The following LARP4B variants were observed in gnomAD, a reference collection of about 807,000 sequenced individuals.
LARP4B encodes the protein La ribonucleoprotein 4B.
Under a neutral mutation model 89.8 loss-of-function variants are expected in LARP4B, and 12 were observed. The ratio of observed to expected loss-of-function variants is 0.13; its 90% CI spans 0.09 to 0.22. The LOEUF (loss-of-function observed/expected upper bound fraction) is 0.22. Ranked by LOEUF, LARP4B falls within the 10% of genes least tolerant of loss-of-function variation. The pLI is 1.00. For synonymous variants in LARP4B, 367 were observed against 363.3 expected (o/e 1.01, Z -0.12); for missense variants, 757 against 947.7 (o/e 0.80, Z 2.64).
At chr10:888,742 C>T (rs1426380888) in intron 1 of LARP4B, among the ~76,000 whole-genome samples, 2 of 152,260 alleles carry the variant, frequency 1.3e-5, no homozygotes, top group East Asian at 1.9e-4. Context: ...GTGGTATAAC[C>T]ACCACTGGAT....
At chr10:849,185 G>A (rs1348744354) in intron 5 of LARP4B, among the ~76,000 whole-genome samples, 9 of 152,108 alleles carry the variant, frequency 5.9e-5, no homozygotes. Context: ...AAGGGAAAGA[G>A]GAACGAAGAA....
At chr10:824,971 G>T in intron 13 of LARP4B, 94 bp downstream of exon 13, 2 of 1,254,528 alleles carry the variant, frequency 1.6e-6, no homozygotes, top group Non-Finnish European at 2.1e-6. Flanking sequence ...GATTTTCTGT[G>T]ACATATTTAA....
chr10:947,697 C>G, the LARP4B span, among the ~76,000 whole-genome samples: 1 of 152,198 alleles, frequency 6.6e-6, no homozygotes, highest in Non-Finnish European at 1.5e-5. Context: ...TCTCGGCTCA[C>G]CGCAACCTCC....
intron 9 of LARP4B, 114 bp downstream of exon 9, chr10:830,753 T>C (rs1832861497): frequency 3.3e-6 from 2 of 613,134 alleles, no homozygotes; most frequent in East Asian, 3.0e-5. Flanking sequence ...CTGCAGATTA[T>C]ATTCAAACTT....
chr10:881,661 T>C (rs893652242), intron 3 of LARP4B, among the ~76,000 whole-genome samples: 1 of 152,218 alleles, frequency 6.6e-6, no homozygotes, highest in Non-Finnish European at 1.5e-5. Flanking sequence ...TCAAAATCAG[T>C]AGATCCTTAT....
At chr10:833,671 C>A (rs1181009984) in intron 8 of LARP4B, among the ~76,000 whole-genome samples, 1 of 152,132 alleles carries the variant, frequency 6.6e-6, no homozygotes, top group African/African-American at 2.4e-5. Context: ...GAGGACGGAT[C>A]ACGAGGTCAA....
the LARP4B span, among the ~76,000 whole-genome samples, chr10:951,857 CCA>C: frequency 6.7e-6 from 1 of 148,866 alleles, no homozygotes; most frequent in Non-Finnish European, 1.5e-5. Flanking sequence ...TCGCAGCAGC[CCA>C]GAACCAACTG....
the LARP4B span, among the ~76,000 whole-genome samples, chr10:943,201 C>T: frequency 1.3e-5 from 2 of 152,118 alleles, no homozygotes; most frequent in Non-Finnish European, 2.9e-5. Flanking sequence ...CCTACCTCGG[C>T]CTTCCAAAGT....
intron 5 of LARP4B, among the ~76,000 whole-genome samples, chr10:862,362 T>G (rs982702986): frequency 5.9e-5 from 9 of 151,774 alleles, no homozygotes; most frequent in Non-Finnish European, 1.2e-4. Flanking sequence ...ATGAAGTCAT[T>G]CTGCATGGCT....
At chr10:981,127 T>C in the LARP4B span, among the ~76,000 whole-genome samples, 3 of 152,336 alleles carry the variant, frequency 2.0e-5, no homozygotes, top group African/African-American at 7.2e-5. Flanking sequence ...GCCAAGCTCT[T>C]TGCTAAGGCA....
intron 1 of LARP4B, among the ~76,000 whole-genome samples, chr10:889,812 G>C (rs1835963975): frequency 6.6e-6 from 1 of 152,060 alleles, no homozygotes; most frequent in Non-Finnish European, 1.5e-5. Context: ...TGTGGTGGCG[G>C]GTGCCTGTAA....
intron 5 of LARP4B, among the ~76,000 whole-genome samples, chr10:858,673 T>C (rs1004762659): frequency 6.6e-6 from 1 of 152,188 alleles, no homozygotes; most frequent in Admixed American, 6.5e-5. Context: ...ACAGAATATA[T>C]TGAGAACTCC....
At chr10:856,118 G>A (rs915522720) in intron 5 of LARP4B, among the ~76,000 whole-genome samples, 1 of 151,964 alleles carries the variant, frequency 6.6e-6, no homozygotes, top group East Asian at 1.9e-4. Context: ...CTTATAGGAG[G>A]AATATAAACC....
intron 5 of LARP4B, among the ~76,000 whole-genome samples, chr10:858,257 A>G (rs1311747376): frequency 2.0e-5 from 3 of 152,144 alleles, no homozygotes; most frequent in Admixed American, 2.0e-4. Context: ...ATACATGGCC[A>G]ATTGTTTTTT....
chr10:807,051 C>CA (rs1338489777), downstream of LARP4B: 2 of 152,172 alleles, frequency 1.3e-5, no homozygotes, highest in South Asian at 2.1e-4. Context: ...GGCTAAAAGT[C>CA]AAAGGATGAA....
the LARP4B span, among the ~76,000 whole-genome samples, chr10:976,891 C>A: frequency 6.7e-6 from 1 of 149,430 alleles, no homozygotes; most frequent in Non-Finnish European, 1.5e-5. Context: ...AACGTGTGGA[C>A]CCAACCTAGT....
At chr10:945,339 A>C in the LARP4B span, among the ~76,000 whole-genome samples, 1 of 150,822 alleles carries the variant, frequency 6.6e-6, no homozygotes, top group African/African-American at 2.4e-5. Flanking sequence ...AACGGAGATC[A>C]CACCACTGCC....
intron 3 of LARP4B, chr10:872,974 G>A: frequency 1.0e-6 from 1 of 964,344 alleles, no homozygotes; most frequent in Non-Finnish European, 1.2e-6. Context: ...CTACACTGCT[G>A]GCTCCACTGC....
chr10:851,794 G>T (rs937215335), intron 5 of LARP4B, among the ~76,000 whole-genome samples: 1 of 152,078 alleles, frequency 6.6e-6, no homozygotes, highest in African/African-American at 2.4e-5. Flanking sequence ...GTGGGACGCA[G>T]TGGCTCATGC....
Sources: gnomAD v4.1 joint callset for allele counts (sites outside exome capture counted in the v4.1 genomes callset) on GRCh38, gnomAD v4.1.1 for gene constraint, MANE v1.5 for transcripts, NCBI Gene and HGNC (gene_info 2026-07-23, HGNC 2026-07-21) for gene names.